FER1L6: variants seen among roughly 807,000 people sequenced by gnomAD.
FER1L6 encodes fer-1-like protein 6.
A neutral mutation model predicts 219.2 loss-of-function variants in FER1L6; 177 were observed. The observed-to-expected ratio is 0.81, with a 90% CI of 0.71 to 0.91. FER1L6 has a LOEUF of 0.91. Ranked by LOEUF, FER1L6 falls within the 40% of genes least tolerant of loss-of-function variation. The pLI is 0.00. For synonymous variants in FER1L6, 768 were observed against 824.3 expected, an observed-to-expected ratio of 0.93 and a Z score of 1.17; for missense variants, 2,153 against 2,259.9, an observed-to-expected ratio of 0.95 and a Z score of 0.96.
intron 1 of FER1L6, among the ~76,000 whole-genome samples, chr8:123,884,520 G>A (rs1817165365): frequency 6.6e-6 from 1 of 152,218 alleles, no homozygotes; most frequent in South Asian, 2.1e-4. Flanking sequence ...TTTTGGCCTT[G>A]TGGAGCATTC....
rs894851996 is a variant in FER1L6 at position 124,078,317 on chromosome 8, T to C, written c.4220+1992T>C. Among the ~76,000 whole-genome samples, 6 of 152,202 alleles carry C rather than the reference T, an allele frequency of 3.9e-5. No individual in the cohort carries two copies. In the South Asian group the frequency reaches 1.0e-3, roughly 26 times the overall value. On this transcript the variant is annotated intron_variant, in intron 32 of 40. Transcript: ENST00000522917. ...CATGTCTGTAGGCTTTGACAGTTTCTTCCTCATGGCTCTTATAGTTTCCCA... is the reference window on the plus strand; with the variant it reads ...CATGTCTGTAGGCTTTGACAGTTTCCTCCTCATGGCTCTTATAGTTTCCCA...
chr8:123,974,893 C>T (rs1815993956), intron 7 of FER1L6, among the ~76,000 whole-genome samples: 1 of 151,858 alleles, frequency 6.6e-6, no homozygotes, highest in Non-Finnish European at 1.5e-5. Context: ...AACCTTGTCT[C>T]AGTGATTTCT....
chr8:124,029,229 G>T (rs1003597944), intron 18 of FER1L6, among the ~76,000 whole-genome samples: 1 of 152,166 alleles, frequency 6.6e-6, no homozygotes, highest in African/African-American at 2.4e-5. Context: ...GAACAGTGCT[G>T]CAGTAAACAT....
At chr8:123,970,472 A>G (rs1015892438) in intron 6 of FER1L6, among the ~76,000 whole-genome samples, 2 of 152,040 alleles carry the variant, frequency 1.3e-5, no homozygotes, top group Non-Finnish European at 2.9e-5. Flanking sequence ...TTGGGCTGGT[A>G]TCTACACTAA....
At chr8:123,999,506 G>A (rs377227439) in intron 12 of FER1L6, among the ~76,000 whole-genome samples, 26 of 152,070 alleles carry the variant, frequency 1.7e-4, no homozygotes, top group African/African-American at 6.0e-4. Flanking sequence ...TTAGCCAGGT[G>A]TCAGAAATTA....
chr8:124,000,398 G>C (rs1479490814), intron 12 of FER1L6, among the ~76,000 whole-genome samples: 2 of 152,162 alleles, frequency 1.3e-5, no homozygotes, highest in Non-Finnish European at 2.9e-5. Flanking sequence ...TGTATGAAGA[G>C]TTGTTTAATT....
At chr8:124,059,680 T>G (rs2130819946) in intron 22 of FER1L6, among the ~76,000 whole-genome samples, 1 of 152,348 alleles carries the variant, frequency 6.6e-6, no homozygotes, top group South Asian at 2.1e-4. Context: ...CTGATTAGGA[T>G]GCAGTCTCTG....
chr8:123,989,540 T>C (rs1337250074), intron 12 of FER1L6, among the ~76,000 whole-genome samples: 3 of 152,188 alleles, frequency 2.0e-5, no homozygotes, highest in Non-Finnish European at 4.4e-5. Context: ...ACCCAGTATA[T>C]AGTTTTTTAT....
At chr8:123,908,389 C>T (rs1297355429) in intron 1 of FER1L6, among the ~76,000 whole-genome samples, 1 of 152,194 alleles carries the variant, frequency 6.6e-6, no homozygotes, top group East Asian at 1.9e-4. Flanking sequence ...ATTTATTGCT[C>T]TTGCTACTCT....
Position 123,956,046 on chromosome 8 carries a change from G to A in FER1L6, c.48G>A (p.Gly16=), listed in dbSNP as rs1439206610. ...AGAAGAGAAATAAGGCAGAGAAGGGGTTAATCCTAGCCAACAAGGCTGCGA... is the reference window on the plus strand; with the variant it reads ...AGAAGAGAAATAAGGCAGAGAAGGGATTAATCCTAGCCAACAAGGCTGCGA... ...VKKKRNKAEK[G]LILANKAAKD... is the part of the protein sequence containing the mutation. The change falls in exon 2 of 41, where the codon GGG becomes GGA. Residue 16 remains glycine, a synonymous_variant. Transcript: ENST00000522917. 7 of 1,612,240 alleles carry A rather than the reference G, an allele frequency of 4.3e-6. No individual in the cohort carries two copies. The African/African-American group carries it at 5.3e-5, about 12-fold the overall frequency.
intron 39 of FER1L6, among the ~76,000 whole-genome samples, chr8:124,117,235 A>G (rs997864667): frequency 9.9e-5 from 15 of 152,212 alleles, no homozygotes; most frequent in African/African-American, 3.1e-4. Flanking sequence ...TCATTTCTTC[A>G]TCTACATAAG....
chr8:123,898,820 T>A (rs1218493436), intron 1 of FER1L6, among the ~76,000 whole-genome samples: 1 of 121,164 alleles, frequency 8.3e-6, no homozygotes, highest in East Asian at 2.1e-4. Context: ...TATATACATA[T>A]GTGTATATAT....
rs554315883 is a variant in FER1L6 at position 123,927,805 on chromosome 8, A to C, written c.-7-28187A>C. Among the ~76,000 whole-genome samples the C allele has an allele frequency of 1.5e-4, 23 of 152,296 alleles. 1 individual carries two copies. The highest frequency in any genetic ancestry group is 5.5e-4 in the African/African-American group (23 of 41,558). ...TGTTCTAAACTTATCTTGGTTAGAGAGCTGAATTGGTTTAGTTTGACAAGA... is the reference window on the plus strand; with the variant it reads ...TGTTCTAAACTTATCTTGGTTAGAGCGCTGAATTGGTTTAGTTTGACAAGA... On this transcript the variant is annotated intron_variant, in intron 1 of 40. Coordinates refer to ENST00000522917, the MANE Select transcript of FER1L6 (RefSeq NM_001039112.2).
chr8:123,974,680 A>AAAAAAAAAAAAAAAAAAAAAAAAAAT (rs1362934333), intron 7 of FER1L6, among the ~76,000 whole-genome samples: 4 of 148,490 alleles, frequency 2.7e-5, no homozygotes, highest in Non-Finnish European at 4.5e-5. Flanking sequence ...AAAAAAAAAA[A>AAAAAAAAAAAAAAAAAAAAAAAAAAT]AAGAAATGTG....
chr8:123,875,744 C>G (rs1170243397), intron 1 of FER1L6, among the ~76,000 whole-genome samples: 1 of 152,138 alleles, frequency 6.6e-6, no homozygotes, highest in Non-Finnish European at 1.5e-5. Flanking sequence ...AATGACAACT[C>G]CATTTCTCAA....
chr8:123,998,868 C>T (rs1817272423), intron 12 of FER1L6, among the ~76,000 whole-genome samples: 1 of 152,232 alleles, frequency 6.6e-6, no homozygotes, highest in Non-Finnish European at 1.5e-5. Flanking sequence ...CAAGTACTGC[C>T]TGGCGATTAG....
At position 123,980,804 on chromosome 8, in the gene FER1L6, C is replaced by T; in HGVS notation, c.1403C>T (p.Pro468Leu). ...GTGGAGGTGGAATCGTTCGATGTCC[C>T]CCCGGAGGTAGGTCTAGGCACTGCA... ...TEVEVESFDV[P>L]PEIVPEKNEE... is the part of the protein sequence containing the mutation. The change falls in exon 11 of 41, where the codon CCC (proline) becomes CTC (leucine). Residue 468 changes from proline (P) to leucine (L), a missense_variant. Pro to Leu is a moderately conservative substitution (Grantham distance 98). Transcript: ENST00000522917. The T allele has an allele frequency of 6.2e-7, 1 of 1,612,684 alleles. No individual in the cohort carries two copies. Among genetic ancestry groups the T allele is most frequent in the South Asian group, 1.1e-5 (1 of 90,790 alleles).
chr8:124,061,793 T>C, intron 24 of FER1L6, 59 bp from the exon 25 acceptor site: 1 of 1,560,526 alleles, frequency 6.4e-7, no homozygotes, highest in South Asian at 1.1e-5. Context: ...CCAGCTGGCT[T>C]TGGGTCTGCC....
chr8:123,859,557 T>C (rs1816708214), intron 1 of FER1L6, among the ~76,000 whole-genome samples: 1 of 151,762 alleles, frequency 6.6e-6, no homozygotes. Context: ...TCTTTTTTTT[T>C]TTTTTTTTAA....
Sources: allele counts gnomAD v4.1 joint callset (sites outside exome capture counted in the v4.1 genomes callset), GRCh38; gene constraint gnomAD v4.1.1; transcripts MANE v1.5; gene names NCBI Gene and HGNC (gene_info 2026-07-23, HGNC 2026-07-21).